The following MYT1L variants were observed in gnomAD, a reference collection of about 807,000 sequenced individuals.
The protein encoded by MYT1L is myelin transcription factor 1-like protein.
MYT1L carries 12 observed loss-of-function variants against 126.7 expected under a neutral mutation model. The observed-to-expected ratio is 0.09, with a 90% CI of 0.06 to 0.15. MYT1L has a LOEUF of 0.15. Among genes scored for constraint, MYT1L ranks in the 10% least tolerant of loss-of-function variants. The pLI is 1.00. For synonymous variants in MYT1L, 541 were observed against 604.2 expected (o/e 0.90, Z 1.53); for missense variants, 979 against 1,585.2 (o/e 0.62, Z 6.49).
Position 1,979,702 on chromosome 2 carries a change from T to C in MYT1L, c.55+21A>G. The C allele has an allele frequency of 6.2e-7, 1 of 1,613,998 alleles. No individual in the cohort carries two copies. Among genetic ancestry groups the C allele is most frequent in the Non-Finnish European group, 8.5e-7 (1 of 1,179,870 alleles). ...AGGTGACCCTGAGCCGGCCTCAGGA[T>C]GCAGGGAAGCGCGGACATACCTCGA... On this transcript the variant is annotated intron_variant, in intron 6 of 24. Coordinates refer to ENST00000647738, the MANE Select transcript of MYT1L (RefSeq NM_001303052.2). The surrounding 1 kb of genome is among the most constrained non-coding windows in gnomAD (Gnocchi z 4.0).
At chr2:2,236,662 C>A (rs549332828) in intron 2 of MYT1L, among the ~76,000 whole-genome samples, 1 of 151,182 alleles carries the variant, frequency 6.6e-6, no homozygotes, top group African/African-American at 2.4e-5. Context: ...CCCAACCCAA[C>A]CCAGCACATC....
chr2:2,020,145 G>A (rs953075541), intron 4 of MYT1L, among the ~76,000 whole-genome samples: 2 of 152,148 alleles, frequency 1.3e-5, no homozygotes, highest in Non-Finnish European at 2.9e-5. Context: ...ATGCCCAGCC[G>A]CCAGTGTAAT....
chr2:2,307,626 C>A (rs1392903027), intron 1 of MYT1L, among the ~76,000 whole-genome samples: 3 of 151,940 alleles, frequency 2.0e-5, no homozygotes, highest in African/African-American at 2.4e-5. Flanking sequence ...GTATGACACT[C>A]GTGATCTCCA....
chr2:2,038,299 C>T (rs932461169), intron 4 of MYT1L, among the ~76,000 whole-genome samples: 2 of 152,148 alleles, frequency 1.3e-5, no homozygotes, highest in African/African-American at 2.4e-5. Flanking sequence ...CAACATTATA[C>T]AATTTTAAGT....
Position 2,101,765 on chromosome 2 carries a change from C to T in MYT1L, c.-303-47642G>A, listed in dbSNP as rs116501355. Among the ~76,000 whole-genome samples the T allele has an allele frequency of 4.6e-3, 707 of 152,284 alleles. 5 individuals are homozygous for T. The highest frequency in any genetic ancestry group is 0.016 in the African/African-American group (672 of 41,542). On this transcript the variant is annotated intron_variant, in intron 3 of 24. Coordinates refer to ENST00000647738, the MANE Select transcript of MYT1L (RefSeq NM_001303052.2). ...CCATCCACCTATCCATCTATCTATCCATTTATCCATTGATAGAGGTGTTGT... is the reference window on the plus strand; with the variant it reads ...CCATCCACCTATCCATCTATCTATCTATTTATCCATTGATAGAGGTGTTGT...
intron 22 of MYT1L, among the ~76,000 whole-genome samples, chr2:1,802,406 C>T (rs1470211875): frequency 2.0e-5 from 3 of 152,028 alleles, no homozygotes; most frequent in South Asian, 2.1e-4. Flanking sequence ...GGGGGCTGGC[C>T]GGAGGGAGAT....
At chr2:2,056,027 G>C (rs1361059741) in intron 3 of MYT1L, among the ~76,000 whole-genome samples, 3 of 152,252 alleles carry the variant, frequency 2.0e-5, no homozygotes, top group Non-Finnish European at 4.4e-5. Flanking sequence ...ACTGATCATT[G>C]TCAGGAGAGG....
chr2:1,990,861 G>A lies in MYT1L; in HGVS notation c.-1+6330C>T, dbSNP rs76564083. Among the ~76,000 whole-genome samples the A allele has an allele frequency of 7.9e-3, 1,207 of 152,324 alleles. 15 individuals carry two copies. Among genetic ancestry groups the A allele is most frequent in the African/African-American group, 0.028 (1,150 of 41,576 alleles). On this transcript the variant is annotated intron_variant, in intron 5 of 24. Transcript: ENST00000647738. ...TACCATGTGAAGAAGCAAGGCTGGC[G>A]CATGCCCTGGTGCACACTGCTCTGG... is the stretch of plus-strand genomic sequence containing the variant.
rs115711424 is a variant in MYT1L at position 2,121,485 on chromosome 2, T to A, written c.-304+51387A>T. On this transcript the variant is annotated intron_variant, in intron 3 of 24. Transcript: ENST00000647738. ...CCACCGCCCTCAACCTCTTTCTTTG[T>A]TGCTTTTTGTTTTTTGAGATGGAGT... 4.0e-3 allele frequency among the ~76,000 whole-genome samples: 596 copies of A among 148,364 alleles called. 2 individuals carry two copies. Among genetic ancestry groups the A allele is most frequent in the African/African-American group, 0.014 (576 of 39,886 alleles).
intron 4 of MYT1L, among the ~76,000 whole-genome samples, chr2:2,025,361 G>A (rs944711667): frequency 2.0e-5 from 3 of 152,138 alleles, no homozygotes. Context: ...TGTGATTCCC[G>A]TTTATCAGTC....
intron 2 of MYT1L, among the ~76,000 whole-genome samples, chr2:2,282,146 G>A (rs1362625333): frequency 6.6e-6 from 1 of 152,106 alleles, no homozygotes; most frequent in African/African-American, 2.4e-5. Flanking sequence ...CTCAATATAA[G>A]CGTGGATTCT....
chr2:1,802,864 C>T (rs954950634), intron 22 of MYT1L, among the ~76,000 whole-genome samples: 1 of 152,236 alleles, frequency 6.6e-6, no homozygotes, highest in Non-Finnish European at 1.5e-5. Context: ...TTGCTGTTCT[C>T]ATTGGCCACA....
chr2:2,330,711 G>A (rs1395059372), intron 1 of MYT1L, among the ~76,000 whole-genome samples: 1 of 152,058 alleles, frequency 6.6e-6, no homozygotes, highest in Admixed American at 6.6e-5. Context: ...ACCCCGTTTT[G>A]TTTTTGTTTC....
intron 4 of MYT1L, among the ~76,000 whole-genome samples, chr2:2,013,066 G>C (rs1033021899): frequency 6.6e-6 from 1 of 152,180 alleles, no homozygotes; most frequent in African/African-American, 2.4e-5. Flanking sequence ...GTATCCCACA[G>C]ATACAGGAGA....
intron 4 of MYT1L, among the ~76,000 whole-genome samples, chr2:2,014,974 G>C (rs553449684): frequency 2.6e-4 from 39 of 152,278 alleles, no homozygotes; most frequent in Middle Eastern, 3.4e-3. Flanking sequence ...TACCTACAAA[G>C]GGCTATTGGA....
intron 3 of MYT1L, among the ~76,000 whole-genome samples, chr2:2,087,281 C>T (rs1269459628): frequency 6.6e-6 from 1 of 152,130 alleles, no homozygotes; most frequent in Non-Finnish European, 1.5e-5. Flanking sequence ...GATAGGTTTG[C>T]AATGCCAAAT....
At chr2:1,792,664 ATTC>A (rs1243674203) in intron 23 of MYT1L, among the ~76,000 whole-genome samples, 200 bp from the exon 24 acceptor site, 1 of 152,062 alleles carries the variant, frequency 6.6e-6, no homozygotes, top group Non-Finnish European at 1.5e-5. Flanking sequence ...GAGGTCAGGA[ATTC>A]AAGACCAGCC....
At position 2,065,652 on chromosome 2, in the gene MYT1L, C is replaced by T. The variant is rs536346495; in HGVS notation, c.-303-11529G>A. On this transcript the variant is annotated intron_variant, in intron 3 of 24. Coordinates refer to ENST00000647738, the MANE Select transcript of MYT1L (RefSeq NM_001303052.2). ...TCTCAGTGAGCGTCTTGCTTCCTTGCAATGAGTTCGCACTCAGAACAGCAG... is the reference window on the plus strand; with the variant it reads ...TCTCAGTGAGCGTCTTGCTTCCTTGTAATGAGTTCGCACTCAGAACAGCAG... Among the ~76,000 whole-genome samples, 111 of 152,316 alleles carry T rather than the reference C, an allele frequency of 7.3e-4. 1 individual carries two copies. The highest frequency in any genetic ancestry group is 6.8e-3 in the Middle Eastern group (2 of 294).
At chr2:2,049,854 G>T (rs2068620834) in intron 4 of MYT1L, among the ~76,000 whole-genome samples, 1 of 152,202 alleles carries the variant, frequency 6.6e-6, no homozygotes, top group Non-Finnish European at 1.5e-5. Flanking sequence ...CCTCAGCCAT[G>T]TGGAACTGTG....
Sources: gnomAD v4.1 joint callset for allele counts (sites outside exome capture counted in the v4.1 genomes callset) on GRCh38, gnomAD v4.1.1 for gene constraint, Gnocchi (gnomAD v3.1) non-coding constraint, MANE v1.5 for transcripts, NCBI Gene and HGNC (gene_info 2026-07-23, HGNC 2026-07-21) for gene names.